Variants in SUPT3H observed in about 807,000 individuals in gnomAD.
The protein encoded by SUPT3H is SPT3 homolog, SAGA and STAGA complex component, also known as transcription initiation protein SPT3 homolog.
Under a neutral mutation model 44.3 loss-of-function variants are expected in SUPT3H, and 44 were observed. The ratio of observed to expected loss-of-function variants is 0.99; its 90% CI spans 0.78 to 1.28. The LOEUF (loss-of-function observed/expected upper bound fraction) is 1.28. Ranked by LOEUF, SUPT3H falls within the 50% of genes most tolerant of loss-of-function variation. The probability of loss-of-function intolerance (pLI) is 0.00; values close to 1 mark genes in which losing one functional copy is unlikely to be tolerated. For synonymous variants in SUPT3H, 124 were observed against 125.6 expected, an observed-to-expected ratio of 0.99 and a Z score of 0.09; for missense variants, 380 against 387.1, an observed-to-expected ratio of 0.98 and a Z score of 0.15.
chr6:45,130,710 C>CAAAA (rs1803318892), intron 2 of SUPT3H, among the ~76,000 whole-genome samples: 1 of 37,192 alleles, frequency 2.7e-5, no homozygotes, highest in African/African-American at 1.0e-4. Context: ...AAAAAAAAAC[C>CAAAA]ACTTTTTTTT....
chr6:45,028,896 C>CAAAAAAAAAAAAAAAAAAAA (rs57234806), intron 3 of SUPT3H, among the ~76,000 whole-genome samples: 1 of 71,052 alleles, frequency 1.4e-5, no homozygotes, highest in East Asian at 4.0e-4. Context: ...AAACAGTTGC[C>CAAAAAAAAAAAAAAAAAAAA]AAAAAAAAAA....
In SUPT3H at chr6:45,230,686, A is replaced by ATATATATATATATATTTTTTTTTTTTTT. The variant is rs796866510; in HGVS notation, c.102-124681_102-124680insAAAAAAAAAAAAAATATATATATATATA. On this transcript the variant is annotated intron_variant, in intron 2 of 10. Transcript: ENST00000371459. ...TCTATATATATATATATATATATAT[A>ATATATATATATATATTTTTTTTTTTTTT]TTTTTGAGATGGAGTCTTGCTCTAT... 7.4e-4 allele frequency among the ~76,000 whole-genome samples: 86 copies of ATATATATATATATATTTTTTTTTTTTTT among 116,730 alleles called. 1 individual carries two copies. The highest frequency in any genetic ancestry group is 1.3e-3 in the Non-Finnish European group (72 of 54,676). 76.6% of individuals were successfully genotyped at this position (116,730 alleles called of 152,430 possible).
chr6:45,123,936 C>G (rs1452728178), intron 2 of SUPT3H, among the ~76,000 whole-genome samples: 2 of 152,074 alleles, frequency 1.3e-5, no homozygotes, highest in Middle Eastern at 3.4e-3. Flanking sequence ...GTTTTTTTCC[C>G]CAACCATTTA....
chr6:44,939,367 T>G (rs1349801063), intron 9 of SUPT3H, among the ~76,000 whole-genome samples: 1 of 152,136 alleles, frequency 6.6e-6, no homozygotes, highest in Non-Finnish European at 1.5e-5. Context: ...ATGTATCCCA[T>G]TTATTGATTT....
At chr6:45,283,445 G>C (rs1443503378) in intron 2 of SUPT3H, among the ~76,000 whole-genome samples, 3 of 152,178 alleles carry the variant, frequency 2.0e-5, no homozygotes, top group Admixed American at 6.5e-5. Flanking sequence ...CCTAGTATCT[G>C]ATAAAACAGA....
chr6:45,146,846 G>A (rs1381638138), intron 2 of SUPT3H, among the ~76,000 whole-genome samples: 1 of 151,942 alleles, frequency 6.6e-6, no homozygotes, highest in Non-Finnish European at 1.5e-5. Flanking sequence ...AGGAGAGAAT[G>A]GTATAAGCAA....
intron 7 of SUPT3H, among the ~76,000 whole-genome samples, chr6:44,956,460 G>T (rs189336392): frequency 9.4e-6 from 1 of 106,356 alleles, no homozygotes; most frequent in East Asian, 3.1e-4. Context: ...CAACAAGAGC[G>T]AAACTGTCTC....
chr6:45,013,640 G>T (rs894725031), intron 5 of SUPT3H, among the ~76,000 whole-genome samples: 1 of 152,092 alleles, frequency 6.6e-6, no homozygotes, highest in African/African-American at 2.4e-5. Flanking sequence ...CCATGTCTGA[G>T]GTAGAGCTTT....
chr6:45,214,066 AG>A (rs1277791984), intron 2 of SUPT3H, among the ~76,000 whole-genome samples: 4 of 148,278 alleles, frequency 2.7e-5, no homozygotes, highest in Non-Finnish European at 5.9e-5. Flanking sequence ...AATTAACTCC[AG>A]GAAGAGATTT....
intron 2 of SUPT3H, among the ~76,000 whole-genome samples, chr6:45,263,038 G>A (rs577094570): frequency 1.3e-5 from 2 of 152,242 alleles, no homozygotes; most frequent in South Asian, 4.1e-4. Flanking sequence ...CACTGCTGGT[G>A]GGAATGTAAG....
intron 2 of SUPT3H, among the ~76,000 whole-genome samples, chr6:45,344,438 T>G (rs1372129474): frequency 4.6e-5 from 7 of 151,702 alleles, no homozygotes; most frequent in Non-Finnish European, 8.8e-5. Context: ...CTCTGATGGT[T>G]TTTTTTTTCA....
intron 2 of SUPT3H, among the ~76,000 whole-genome samples, chr6:45,298,212 G>A (rs985462518): frequency 2.0e-5 from 3 of 152,166 alleles, no homozygotes; most frequent in Admixed American, 1.3e-4. Context: ...ACCAAAGAAC[G>A]AATAGGAACA....
chr6:45,284,424 C>G (rs1469261237), intron 2 of SUPT3H, among the ~76,000 whole-genome samples: 1 of 152,114 alleles, frequency 6.6e-6, no homozygotes, highest in African/African-American at 2.4e-5. Context: ...CACCACTGAT[C>G]CCACAGAAAT....
At position 44,932,653 on chromosome 6, in the gene SUPT3H, T is replaced by C. The variant is rs778747844; in HGVS notation, c.912A>G (p.Thr304=). The change falls in exon 10 of 11, where the codon ACA becomes ACG. Residue 304 remains threonine (T), a splice_region_variant and synonymous_variant. Transcript: ENST00000371459. ...TTTTTATAACTCTGTTATTACGTAC[T>C]GTGAATGGGGAAAGTGGGCCAATCC... ...SHRIGPLSPF[T]NAYRRNGMAF... 1.2e-5 allele frequency: 19 copies of C among 1,601,814 alleles called. No individual in the cohort carries two copies. In the East Asian group the frequency reaches 3.4e-4, roughly 29 times the overall value.
intron 3 of SUPT3H, among the ~76,000 whole-genome samples, chr6:45,077,960 A>C (rs965250805): frequency 6.6e-6 from 1 of 151,092 alleles, no homozygotes; most frequent in Non-Finnish European, 1.5e-5. Flanking sequence ...AATCAGATGG[A>C]TAGAAGGACT....
intron 2 of SUPT3H, among the ~76,000 whole-genome samples, chr6:45,303,689 A>AAAAG (rs1562917561): frequency 1.3e-4 from 19 of 149,632 alleles, no homozygotes; most frequent in South Asian, 2.1e-4. Flanking sequence ...AAAAAAAAAA[A>AAAAG]AAAGAAACAA....
At chr6:45,154,087 A>AAAAAAAAAAAAAAAAAAAAAAAAAAAAC (rs70996303) in intron 2 of SUPT3H, among the ~76,000 whole-genome samples, 1 of 114,596 alleles carries the variant, frequency 8.7e-6, no homozygotes, top group Non-Finnish European at 1.8e-5. Context: ...AAAAAAAAAA[A>AAAAAAAAAAAAAAAAAAAAAAAAAAAAC]AGCGCTTAGT....
chr6:45,270,794 AG>A (rs1009708063), intron 2 of SUPT3H, among the ~76,000 whole-genome samples: 6 of 152,224 alleles, frequency 3.9e-5, no homozygotes, highest in African/African-American at 1.4e-4. Flanking sequence ...TCAGAAAGAC[AG>A]GAAAATGTAG....
At chr6:45,019,700 C>T (rs1485827099) in intron 4 of SUPT3H, among the ~76,000 whole-genome samples, 5 of 151,904 alleles carry the variant, frequency 3.3e-5, no homozygotes, top group African/African-American at 9.7e-5. Context: ...GCGCCTTGTA[C>T]CTAAGACTGC....
Sources: allele counts gnomAD v4.1 joint callset (sites outside exome capture counted in the v4.1 genomes callset), GRCh38; gene constraint gnomAD v4.1.1; transcripts MANE v1.5; gene names NCBI Gene and HGNC (gene_info 2026-07-23, HGNC 2026-07-21).